Variants in DIXDC1 observed in about 807,000 individuals in gnomAD.
DIXDC1 encodes the protein DIX domain containing 1.
DIXDC1 carries 64 observed loss-of-function variants against 103.1 expected under a neutral mutation model. The ratio of observed to expected loss-of-function variants is 0.62; its 90% confidence interval spans 0.51 to 0.76. The LOEUF is 0.76. DIXDC1 is among the 30% of genes least tolerant of loss of function. The pLI, the probability that DIXDC1 is intolerant of heterozygous loss-of-function variation, is 0.00. For missense variants in DIXDC1, 759 were observed against 834.2 expected, an observed-to-expected ratio of 0.91 and a Z score of 1.11; for synonymous variants, 266 against 298.5, an observed-to-expected ratio of 0.89 and a Z score of 1.12.
rs1555173720 is a variant in DIXDC1, at chr11:111,985,313, G to A, written c.1000G>A (p.Glu334Lys). ...ALCEPGVNPE[E>K]QLIIIQSRLD... ...CTGTGAACCAGGTGTCAATCCCGAG[G>A]AACAACTGGTGAGCTCCATCTTTTG... Residue 334 changes from glutamate (E) to lysine (K), a missense_variant, in exon 8 of 20, where the codon GAA becomes AAA. By Grantham distance (56) the Glu-to-Lys change is moderately conservative (BLOSUM62 1). This residue lies in a region of DIXDC1 where 657 missense variants were observed against 727.5 expected (regional missense o/e 0.90). Coordinates refer to ENST00000440460, the MANE Select transcript of DIXDC1 (RefSeq NM_001037954.4). 6 of 1,612,622 alleles carry A rather than the reference G, an allele frequency of 3.7e-6. No homozygotes were observed. The South Asian group carries it at 6.6e-5, about 18-fold the overall frequency.
At chr11:111,979,646 C>T (rs1219352771) in intron 5 of DIXDC1, among the ~76,000 whole-genome samples, 6 of 152,180 alleles carry the variant, frequency 3.9e-5, no homozygotes, top group African/African-American at 1.2e-4. Context: ...TGCATAGTTC[C>T]TTCCAAGGCT....
At chr11:111,959,751 G>A (rs1859509778) in intron 1 of DIXDC1, among the ~76,000 whole-genome samples, 1 of 152,156 alleles carries the variant, frequency 6.6e-6, no homozygotes, top group Non-Finnish European at 1.5e-5. Context: ...CCTGGGTAAT[G>A]GTGAACTCTA....
In DIXDC1 at chr11:111,959,418, C is replaced by A. The variant is rs113102274; in HGVS notation, c.61-5131C>A. Among the ~76,000 whole-genome samples, 333 of 152,338 alleles carry A rather than the reference C, an allele frequency of 2.2e-3. 5 individuals carry two copies. The highest frequency in any genetic ancestry group is 7.6e-3 in the African/African-American group (317 of 41,574). ...AGTATGCCTGGTCCAGCTGCAGCAT[C>A]GCAGGGAGCCAGCACCTGTGCCAGT... On this transcript the variant is annotated intron_variant, in intron 1 of 19. Transcript: ENST00000440460.
chr11:111,973,195 A>C (rs1859991780), intron 3 of DIXDC1, among the ~76,000 whole-genome samples: 1 of 150,842 alleles, frequency 6.6e-6, no homozygotes, highest in Admixed American at 6.6e-5. Flanking sequence ...ACATGGTGAA[A>C]CCCCATCTCT....
At chr11:111,943,235 T>G (rs930509673) in intron 1 of DIXDC1, among the ~76,000 whole-genome samples, 58 of 152,166 alleles carry the variant, frequency 3.8e-4, no homozygotes, top group African/African-American at 1.3e-3. Flanking sequence ...CTCGCACCTC[T>G]TGGGCTCAAG....
Position 111,994,646 on chromosome 11 carries a change from A to G in DIXDC1, c.1438-373A>G, listed in dbSNP as rs587702691. On this transcript the variant is annotated intron_variant, in intron 14 of 19. Coordinates refer to ENST00000440460, the MANE Select transcript of DIXDC1 (RefSeq NM_001037954.4). ...TATATATATGTATGAATATATATAT[A>G]TGTGTGTGTGTATATATATATATTC... Among the ~76,000 whole-genome samples, 29 of 151,600 alleles carry G rather than the reference A, an allele frequency of 1.9e-4. No individual in the cohort carries two copies. In the South Asian group the frequency reaches 3.3e-3, roughly 17 times the overall value.
At chr11:111,959,171 C>G (rs896542460) in intron 1 of DIXDC1, among the ~76,000 whole-genome samples, 1 of 152,216 alleles carries the variant, frequency 6.6e-6, no homozygotes, top group Admixed American at 6.5e-5. Context: ...GTAACACCAA[C>G]AGGTCTGAAA....
chr11:111,964,119 C>T (rs2137507182), intron 1 of DIXDC1, among the ~76,000 whole-genome samples: 1 of 152,306 alleles, frequency 6.6e-6, no homozygotes, highest in South Asian at 2.1e-4. Flanking sequence ...GTATGAGTAT[C>T]AGAGTCTGTT....
chr11:111,968,597 T>G lies in DIXDC1; in HGVS notation c.275T>G (p.Val92Gly). 6.2e-7 allele frequency: 1 copy of G among 1,611,872 alleles called. No individual in the cohort carries two copies. The highest frequency in any genetic ancestry group is 8.5e-7 in the Non-Finnish European group (1 of 1,178,934). The change falls in exon 3 of 20, where the codon GTG becomes GGG. Residue 92 changes from valine to glycine, a missense_variant. This residue lies in a region of DIXDC1 where 657 missense variants were observed against 727.5 expected (regional missense o/e 0.90). Coordinates refer to ENST00000440460, the MANE Select transcript of DIXDC1 (RefSeq NM_001037954.4). ...KNNVEKVLQFVASKKIRMHQT... is the reference protein window; with the variant it reads ...KNNVEKVLQFGASKKIRMHQT... Reference sequence around the variant, plus strand: ...AATGTGGAGAAAGTGCTACAGTTTGTGGCCTCTAAAAAGATTCGTATGCAC... The same window carrying G: ...AATGTGGAGAAAGTGCTACAGTTTGGGGCCTCTAAAAAGATTCGTATGCAC...
chr11:111,996,720 C>G (rs982695985), intron 17 of DIXDC1, among the ~76,000 whole-genome samples: 1 of 152,048 alleles, frequency 6.6e-6, no homozygotes, highest in Non-Finnish European at 1.5e-5. Flanking sequence ...TGTGGTGGCA[C>G]ACGCCTGTAA....
At chr11:111,979,965 A>G (rs1860242760) in intron 5 of DIXDC1, among the ~76,000 whole-genome samples, 4 of 152,202 alleles carry the variant, frequency 2.6e-5, no homozygotes, top group Non-Finnish European at 5.9e-5. Flanking sequence ...AAAAAATAAA[A>G]CAAAACAAAA....
intron 1 of DIXDC1, among the ~76,000 whole-genome samples, chr11:111,941,889 G>T (rs1966432634): frequency 6.6e-6 from 1 of 151,264 alleles, no homozygotes; most frequent in African/African-American, 2.4e-5. Flanking sequence ...AAGAGTTTTA[G>T]TCTGGTCTCA....
chr11:112,018,945 T>C lies in DIXDC1; in HGVS notation c.1972-11T>C. 2.5e-6 allele frequency: 4 copies of C among 1,612,530 alleles called. No individual in the cohort carries two copies. Among genetic ancestry groups the C allele is most frequent in the Non-Finnish European group, 3.4e-6 (4 of 1,179,176 alleles). ...TGTTTTTTCACTGTGGCTTTTTGTTTTTTTCTCTAGATTTTCCATGATGAT... is the reference window on the plus strand; with the variant it reads ...TGTTTTTTCACTGTGGCTTTTTGTTCTTTTCTCTAGATTTTCCATGATGAT... On this transcript the variant is annotated splice_polypyrimidine_tract_variant and intron_variant, in intron 19 of 19. Transcript: ENST00000440460.
At chr11:111,963,932 A>G (rs1555171256) in intron 1 of DIXDC1, among the ~76,000 whole-genome samples, 1 of 152,174 alleles carries the variant, frequency 6.6e-6, no homozygotes, top group African/African-American at 2.4e-5. Flanking sequence ...CTTTGACAAT[A>G]TAAAGCATGG....
At chr11:112,004,054 G>GTA (rs1214049647) in intron 17 of DIXDC1, among the ~76,000 whole-genome samples, 1 of 143,080 alleles carries the variant, frequency 7.0e-6, no homozygotes, top group East Asian at 2.0e-4. Flanking sequence ...ATATATGTAT[G>GTA]TATATATATG....
In DIXDC1 at chr11:112,022,151, A is replaced by G. The variant is rs1335286231; in HGVS notation, c.*3115A>G. The G allele has an allele frequency of 6.6e-6, 1 of 152,196 alleles. No homozygotes were observed. Among genetic ancestry groups the G allele is most frequent in the Non-Finnish European group, 1.5e-5 (1 of 68,034 alleles). The allele number at this position is 152,196 out of a possible 1,614,324, so 9.4% of individuals were successfully genotyped here. On this transcript the variant is annotated 3_prime_UTR_variant, in exon 20 of 20. Transcript: ENST00000440460. This position sits in a 1 kb window ranked among gnomAD's most constrained non-coding sequence, Gnocchi z 4.9. ...ACTTCTACTTACTGACCAACTTTTC[A>G]GCTCTTTTTGACCAGGATGGTTGCA... is the stretch of plus-strand genomic sequence containing the variant.
chr11:111,950,494 C>A (rs1165060907), intron 1 of DIXDC1, among the ~76,000 whole-genome samples: 1 of 104,980 alleles, frequency 9.5e-6, no homozygotes, highest in Non-Finnish European at 1.8e-5. Context: ...TCACTCTTGT[C>A]GCCCAGGCTG....
chr11:111,936,503 A>G (rs1263741816), upstream of DIXDC1, among the ~76,000 whole-genome samples: 2 of 152,218 alleles, frequency 1.3e-5, no homozygotes, highest in African/African-American at 4.8e-5. Context: ...TGTATATTTT[A>G]GCAGTTATTT....
rs782615717 is a variant in DIXDC1 at position 111,974,883 on chromosome 11, A to C, written c.556A>C (p.Ser186Arg). The stretch of plus-strand genomic sequence containing the variant: ...GGGGTCCTTTGACTTTAGGAACAGC[A>C]GCATGGATGAGGAAATTGAGAATCC... Reference protein sequence around the residue: ...DVFRYRQRNSSMDEEIENPYW... With the variant: ...DVFRYRQRNSRMDEEIENPYW... The change falls in exon 5 of 20, where the codon AGC (serine) becomes CGC (arginine). Residue 186 changes from serine (S) to arginine (R), a missense_variant. Around this residue, in one of 3 missense-constraint regions of DIXDC1, gnomAD observed 657 missense variants for 727.5 expected, o/e 0.90. Transcript: ENST00000440460. 2 of 1,613,530 alleles carry C rather than the reference A, an allele frequency of 1.2e-6. No homozygotes were observed. Among genetic ancestry groups the C allele is most frequent in the South Asian group, 2.2e-5 (2 of 90,904 alleles).
Sources: gnomAD v4.1 joint callset for allele counts (sites outside exome capture counted in the v4.1 genomes callset) on GRCh38, gnomAD v4.1.1 for gene constraint, gnomAD v4.1.1 regional missense constraint, Gnocchi (gnomAD v3.1) non-coding constraint, MANE v1.5 for transcripts, NCBI Gene and HGNC (gene_info 2026-07-23, HGNC 2026-07-21) for gene names.